Variants in NPSR1 observed in about 807,000 individuals in gnomAD.
NPSR1 encodes the protein neuropeptide S receptor.
Under a neutral mutation model 46.9 loss-of-function variants are expected in NPSR1, and 48 were observed. The ratio of observed to expected loss-of-function variants is 1.02; its 90% CI spans 0.81 to 1.30. The LOEUF (loss-of-function observed/expected upper bound fraction) is 1.30, where lower values mean the gene tolerates loss of function less well. Ranked by LOEUF, NPSR1 falls within the 50% of genes most tolerant of loss-of-function variation. The probability of loss-of-function intolerance (pLI) is 0.00; values close to 1 mark genes in which losing one functional copy is unlikely to be tolerated. For missense variants in NPSR1, 450 were observed against 449.5 expected, an observed-to-expected ratio of 1.00 and a Z score of -0.01; for synonymous variants, 176 against 168.1, an observed-to-expected ratio of 1.05 and a Z score of -0.36.
At chr7:34,763,366 C>T (rs1250829184) in intron 2 of NPSR1, among the ~76,000 whole-genome samples, 1 of 152,120 alleles carries the variant, frequency 6.6e-6, no homozygotes, top group Admixed American at 6.6e-5. Context: ...GCCAATCAAG[C>T]AACAGCAGTA....
rs189645472 is a variant in NPSR1 at position 34,863,598 on chromosome 7, T to A, written c.1026-14478T>A. On this transcript the variant is annotated intron_variant, in intron 8 of 8. Transcript: ENST00000359791. ...ACAGACACTTCTCAAAAACAGACAT[T>A]TATGCAGCTAACAAACGTATGAAAA... Among the ~76,000 whole-genome samples, 7 of 151,882 alleles carry A rather than the reference T, an allele frequency of 4.6e-5. No homozygotes were observed. The South Asian group carries it at 6.2e-4, about 13-fold the overall frequency.
rs934267150 is a variant in NPSR1, at chr7:34,683,466, C to T, written c.148-1086C>T. Among the ~76,000 whole-genome samples, 193 of 150,208 alleles carry T rather than the reference C, an allele frequency of 1.3e-3. 1 individual carries two copies. Among genetic ancestry groups the T allele is most frequent in the African/African-American group, 4.2e-3 (168 of 40,468 alleles). Reference sequence around the variant, plus strand: ...TGTCACAAAAAAAAAAAAAATATTTCTTAGAAGGACTGTCAGATTCATAGC... The same window carrying T: ...TGTCACAAAAAAAAAAAAAATATTTTTTAGAAGGACTGTCAGATTCATAGC... On this transcript the variant is annotated intron_variant, in intron 1 of 8. Coordinates refer to ENST00000360581, the MANE Select transcript of NPSR1 (RefSeq NM_207172.2).
At chr7:34,852,281 G>A (rs1324178926), downstream of NPSR1, among the ~76,000 whole-genome samples, 1 of 152,042 alleles carries the variant, frequency 6.6e-6, no homozygotes, top group Non-Finnish European at 1.5e-5. Flanking sequence ...GCCTGGGCGA[G>A]AGAGCGAGAA....
Position 34,837,423 on chromosome 7 carries a change from G to A in NPSR1, c.757+2963G>A, listed in dbSNP as rs569741623. 2.6e-4 allele frequency among the ~76,000 whole-genome samples: 40 copies of A among 152,342 alleles called. 1 individual carries two copies. The South Asian group carries it at 8.1e-3, about 31-fold the overall frequency. Reference sequence around the variant, plus strand: ...AGACAGACAAGTCAGAGGGACAGATGGAGCAGCTCCTGTCTGCCACTGCTA... The same window carrying A: ...AGACAGACAAGTCAGAGGGACAGATAGAGCAGCTCCTGTCTGCCACTGCTA... On this transcript the variant is annotated intron_variant, in intron 6 of 8. Coordinates refer to ENST00000360581, the MANE Select transcript of NPSR1 (RefSeq NM_207172.2).
At chr7:34,782,379 G>T (rs552267927) in intron 3 of NPSR1, among the ~76,000 whole-genome samples, 26 of 152,246 alleles carry the variant, frequency 1.7e-4, no homozygotes, top group African/African-American at 5.8e-4. Flanking sequence ...CCCTGGTGGG[G>T]GGAAAGATCA....
chr7:34,867,981 T>G (rs13309172), intron 8 of NPSR1, among the ~76,000 whole-genome samples: 1 of 151,970 alleles, frequency 6.6e-6, no homozygotes, highest in East Asian at 1.9e-4. Flanking sequence ...CTGTACTATA[T>G]TGAAGTATCT....
chr7:34,818,360 A>T (rs113474960), intron 4 of NPSR1, among the ~76,000 whole-genome samples: 22,022 of 152,178 alleles, frequency 0.14, 2,111 homozygotes, highest in East Asian at 0.32. Flanking sequence ...CCAACTTACA[A>T]GGGATGTGAA....
intron 2 of NPSR1, among the ~76,000 whole-genome samples, chr7:34,699,037 A>G (rs1209799520): frequency 2.0e-5 from 3 of 152,204 alleles, no homozygotes; most frequent in Non-Finnish European, 4.4e-5. Flanking sequence ...ACATATTCAT[A>G]TCTGCTTATT....
chr7:34,677,267 C>T (rs140553642), intron 1 of NPSR1, among the ~76,000 whole-genome samples: 110 of 152,254 alleles, frequency 7.2e-4, no homozygotes, highest in African/African-American at 2.6e-3. Flanking sequence ...GCAGAAACTT[C>T]ATTTCTGGAA....
intron 4 of NPSR1, among the ~76,000 whole-genome samples, chr7:34,820,540 G>T (rs1380006183): frequency 1.3e-5 from 2 of 152,144 alleles, no homozygotes; most frequent in Non-Finnish European, 1.5e-5. Context: ...TAAAATATTT[G>T]TAGAGATTTA....
chr7:34,804,464 C>A (rs1018032005), intron 3 of NPSR1, among the ~76,000 whole-genome samples: 2 of 151,926 alleles, frequency 1.3e-5, no homozygotes, highest in African/African-American at 4.8e-5. Context: ...AAGCATTTAA[C>A]AAAATTCAAC....
chr7:34,680,449 A>C (rs746332482), intron 1 of NPSR1, among the ~76,000 whole-genome samples: 11 of 152,176 alleles, frequency 7.2e-5, no homozygotes, highest in Non-Finnish European at 1.3e-4. Flanking sequence ...AGAAAACTGT[A>C]AAGCTACCCA....
intron 3 of NPSR1, among the ~76,000 whole-genome samples, chr7:34,799,655 C>G (rs4362311): frequency 0.067 from 9,824 of 147,306 alleles, 959 homozygotes; most frequent in African/African-American, 0.22. Flanking sequence ...GAAACTGCAT[C>G]AACTAACGAG....
intron 4 of NPSR1, among the ~76,000 whole-genome samples, chr7:34,824,955 C>T (rs1789751093): frequency 6.6e-6 from 1 of 152,118 alleles, no homozygotes. Flanking sequence ...CCCACTGCTT[C>T]TCTCCACGCC....
At chr7:34,715,280 C>A (rs1203244336) in intron 2 of NPSR1, among the ~76,000 whole-genome samples, 1 of 152,220 alleles carries the variant, frequency 6.6e-6, no homozygotes, top group Non-Finnish European at 1.5e-5. Context: ...TGCTCTGGAA[C>A]TAAGCAGATG....
intron 6 of NPSR1, among the ~76,000 whole-genome samples, chr7:34,835,546 G>C (rs1290709350): frequency 6.6e-6 from 1 of 152,178 alleles, no homozygotes; most frequent in Non-Finnish European, 1.5e-5. Flanking sequence ...GACCAAGACA[G>C]AGCTTGTTTT....
rs1562720022 is a variant in NPSR1, at chr7:34,778,345, GAA to G, written c.281-111_281-110del. 3 of 582,226 alleles carry G rather than the reference GAA, an allele frequency of 5.2e-6. No homozygotes were observed. The South Asian group carries it at 7.5e-5, about 15-fold the overall frequency. 36.1% of individuals were successfully genotyped at this position (582,226 alleles called of 1,614,324 possible). On this transcript the variant is annotated intron_variant, in intron 2 of 8. Transcript: ENST00000360581. ...AGTGGCCATCTGATAAAGCAGGAAG[GAA>G]AAAAATTAAAAATGAACCTCCCCAG...
chr7:34,858,575 C>T (rs1301148894), intron 8 of NPSR1, among the ~76,000 whole-genome samples: 1 of 151,750 alleles, frequency 6.6e-6, no homozygotes, highest in African/African-American at 2.4e-5. Context: ...TGAGACTGGA[C>T]AATTTACAAA....
chr7:34,792,593 G>A (rs1284497727), intron 3 of NPSR1, among the ~76,000 whole-genome samples: 9 of 127,768 alleles, frequency 7.0e-5, no homozygotes, highest in East Asian at 2.4e-4. Context: ...ATATATATAC[G>A]TATATATGTG....
Sources: gnomAD v4.1 joint callset for allele counts (sites outside exome capture counted in the v4.1 genomes callset) on GRCh38, gnomAD v4.1.1 for gene constraint, MANE v1.5 for transcripts, NCBI Gene and HGNC (gene_info 2026-07-23, HGNC 2026-07-21) for gene names.